ADAMTS17: variants seen among roughly 807,000 people sequenced by gnomAD.
ADAMTS17 encodes ADAM metallopeptidase with thrombospondin type 1 motif 17, also known as A disintegrin and metalloproteinase with thrombospondin motifs 17.
ADAMTS17 carries 113 observed loss-of-function variants against 141.5 expected under a neutral mutation model. The ratio of observed to expected loss-of-function variants is 0.80; its 90% CI spans 0.69 to 0.93. The LOEUF (loss-of-function observed/expected upper bound fraction) is 0.93, where lower values mean the gene tolerates loss of function less well. Among genes scored for constraint, ADAMTS17 ranks in the 40% least tolerant of loss-of-function variants. The pLI is 0.00. For missense variants in ADAMTS17, 1,659 were observed against 1,517.9 expected (o/e 1.09, Z -1.54); for synonymous variants, 768 against 630.6 (o/e 1.22, Z -3.27).
chr15:100,150,086 G>A (rs1270419581), intron 10 of ADAMTS17, among the ~76,000 whole-genome samples: 1 of 152,186 alleles, frequency 6.6e-6, no homozygotes, highest in Admixed American at 6.5e-5. Context: ...CGAGGCAAAA[G>A]CAAACAGGAA....
chr15:100,162,990 CTATA>C (rs1312384465), intron 8 of ADAMTS17, among the ~76,000 whole-genome samples: 1 of 136,972 alleles, frequency 7.3e-6, no homozygotes, highest in African/African-American at 2.9e-5. Context: ...GTATATATAA[CTATA>C]TATGTATATA....
At chr15:100,162,347 A>G (rs1457497312) in intron 8 of ADAMTS17, among the ~76,000 whole-genome samples, 2 of 148,838 alleles carry the variant, frequency 1.3e-5, no homozygotes, top group East Asian at 2.0e-4. Context: ...TGTCCTATAT[A>G]CCTATATATA....
chr15:100,212,958 C>T (rs1407901529), intron 7 of ADAMTS17, among the ~76,000 whole-genome samples: 3 of 151,968 alleles, frequency 2.0e-5, no homozygotes, highest in African/African-American at 7.3e-5. Context: ...CTGAGTTAAG[C>T]ATCCAATTTA....
intron 18 of ADAMTS17, among the ~76,000 whole-genome samples, chr15:100,021,409 T>C (rs2061405240): frequency 6.6e-6 from 1 of 152,060 alleles, no homozygotes; most frequent in African/African-American, 2.4e-5. Context: ...AAATCTGCCT[T>C]CCCCTCCCCA....
chr15:100,237,056 T>A (rs562568304), intron 7 of ADAMTS17, among the ~76,000 whole-genome samples: 1 of 152,252 alleles, frequency 6.6e-6, no homozygotes, highest in South Asian at 2.1e-4. Flanking sequence ...GCAAGCCAAA[T>A]TCCTCAGGCC....
chr15:100,279,512 A>C (rs2044212543), intron 4 of ADAMTS17, among the ~76,000 whole-genome samples: 1 of 152,140 alleles, frequency 6.6e-6, no homozygotes, highest in Non-Finnish European at 1.5e-5. Flanking sequence ...CACTGCACCC[A>C]TTTCGTTTAA....
chr15:100,196,351 C>G (rs1384119297), intron 8 of ADAMTS17, among the ~76,000 whole-genome samples: 4 of 152,222 alleles, frequency 2.6e-5, no homozygotes, highest in Non-Finnish European at 5.9e-5. Flanking sequence ...TGTTTTCTGA[C>G]AGCCAATGCA....
intron 9 of ADAMTS17, among the ~76,000 whole-genome samples, chr15:100,154,428 C>T (rs1013002762): frequency 1.3e-5 from 2 of 152,136 alleles, no homozygotes; most frequent in African/African-American, 2.4e-5. Flanking sequence ...CTGAATTCGT[C>T]GGGTACTTGA....
chr15:100,264,895 A>G (rs2043655698), intron 4 of ADAMTS17, among the ~76,000 whole-genome samples: 1 of 152,228 alleles, frequency 6.6e-6, no homozygotes, highest in African/African-American at 2.4e-5. Context: ...TTGATTGCAC[A>G]GCAATGCGAA....
At chr15:100,210,013 T>C (rs1234871325) in intron 7 of ADAMTS17, among the ~76,000 whole-genome samples, 2 of 152,004 alleles carry the variant, frequency 1.3e-5, no homozygotes, top group Non-Finnish European at 2.9e-5. Flanking sequence ...CGCGGGCAGA[T>C]CATGAGGTCA....
At chr15:100,048,523 G>A (rs1258109512) in intron 18 of ADAMTS17, among the ~76,000 whole-genome samples, 1 of 147,186 alleles carries the variant, frequency 6.8e-6, no homozygotes, top group African/African-American at 2.5e-5. Flanking sequence ...TCCAATATTT[G>A]TTTCCTTCTC....
rs536078888 is a variant in ADAMTS17, at chr15:100,307,724, C to G, written c.616+23165G>C. ...GGAGAAAATGAGATAGCCGATGTCACGTGCCGCGTGCAGTGCCAGGTGTGG... is the reference window on the plus strand; with the variant it reads ...GGAGAAAATGAGATAGCCGATGTCAGGTGCCGCGTGCAGTGCCAGGTGTGG... On this transcript the variant is annotated intron_variant, in intron 3 of 21. Transcript: ENST00000268070. 5.3e-5 allele frequency among the ~76,000 whole-genome samples: 8 copies of G among 152,298 alleles called. No homozygotes were observed. In the South Asian group the frequency reaches 1.7e-3, roughly 32 times the overall value.
chr15:100,072,192 C>T (rs1470990667), intron 15 of ADAMTS17, among the ~76,000 whole-genome samples: 1 of 148,792 alleles, frequency 6.7e-6, no homozygotes, highest in African/African-American at 2.5e-5. Context: ...AGGAATCCAA[C>T]TTACAAGGGA....
Position 100,133,223 on chromosome 15 carries a change from C to T in ADAMTS17, c.1566G>A (p.Gly522=), listed in dbSNP as rs534326761. Residue 522 remains glycine, a synonymous_variant, in exon 11 of 22, where the codon GGG becomes GGA. Transcript: ENST00000268070. The stretch of plus-strand genomic sequence containing the variant: ...GGAAGTCAGAGGTTACCTTGTCTGC[C>T]CCACACTCGGTGCCATCCAGGGGAG... ...LDPPLDGTEC[G]ADKWCRAGEC... The T allele has an allele frequency of 2.5e-6, 4 of 1,591,836 alleles. No homozygotes were observed. Among genetic ancestry groups the T allele is most frequent in the Admixed American group, 3.4e-5 (2 of 58,108 alleles).
At chr15:100,062,994 G>A (rs1316516915) in intron 15 of ADAMTS17, among the ~76,000 whole-genome samples, 1 of 152,170 alleles carries the variant, frequency 6.6e-6, no homozygotes. Flanking sequence ...TCAAGTCCTG[G>A]GCTGACCTTT....
chr15:100,266,046 G>C (rs988424559), intron 4 of ADAMTS17, among the ~76,000 whole-genome samples: 3 of 152,182 alleles, frequency 2.0e-5, no homozygotes, highest in African/African-American at 7.2e-5. Context: ...CATGGTAACT[G>C]AGTAAAATTC....
chr15:100,108,869 T>G, intron 14 of ADAMTS17, 120 bp downstream of exon 14: 1 of 1,561,230 alleles, frequency 6.4e-7, no homozygotes, highest in Non-Finnish European at 8.7e-7. Context: ...ACTGGGTGCC[T>G]TCCTAAGAAA....
At chr15:100,124,325 G>C (rs182054292) in intron 12 of ADAMTS17, among the ~76,000 whole-genome samples, 58 of 152,330 alleles carry the variant, frequency 3.8e-4, no homozygotes, top group African/African-American at 1.4e-3. Flanking sequence ...CAAACGGCTT[G>C]CATGGCTACT....
At chr15:100,290,094 T>C (rs1387877050) in intron 3 of ADAMTS17, among the ~76,000 whole-genome samples, 1 of 152,106 alleles carries the variant, frequency 6.6e-6, no homozygotes, top group African/African-American at 2.4e-5. Flanking sequence ...GCAGACGTTA[T>C]GATTTTACAA....
Sources: allele counts gnomAD v4.1 joint callset (sites outside exome capture counted in the v4.1 genomes callset), GRCh38; gene constraint gnomAD v4.1.1; transcripts MANE v1.5; gene names NCBI Gene and HGNC (gene_info 2026-07-23, HGNC 2026-07-21).